Variants in PTPN11 observed in about 807,000 individuals in gnomAD.
The protein encoded by PTPN11 is protein tyrosine phosphatase non-receptor type 11, also known as tyrosine-protein phosphatase non-receptor type 11.
Under a neutral mutation model 78.8 loss-of-function variants are expected in PTPN11, and 6 were observed. The observed-to-expected ratio is 0.08, with a 90% confidence interval of 0.04 to 0.15. The LOEUF (loss-of-function observed/expected upper bound fraction) is 0.15, where lower values mean the gene tolerates loss of function less well. Ranked by LOEUF, PTPN11 falls within the 10% of genes least tolerant of loss-of-function variation. The pLI is 1.00. For missense variants in PTPN11, 386 were observed against 744.8 expected (o/e 0.52, Z 5.61); for synonymous variants, 221 against 263.5 (o/e 0.84, Z 1.56).
At chr12:112,493,909 G>A (rs1426894018) in intron 13 of PTPN11, among the ~76,000 whole-genome samples, 2 of 152,066 alleles carry the variant, frequency 1.3e-5, no homozygotes, top group Non-Finnish European at 2.9e-5. Context: ...ATTTCACTTA[G>A]CATAATGTCA....
intron 2 of PTPN11, among the ~76,000 whole-genome samples, chr12:112,449,123 G>A (rs2038038603): frequency 6.6e-6 from 1 of 151,204 alleles, no homozygotes; most frequent in South Asian, 2.1e-4. Flanking sequence ...CTGACCTCAG[G>A]TGATCCTCCC....
In PTPN11 at chr12:112,450,194, G is replaced by A. The variant is rs1038930685; in HGVS notation, c.138-124G>A. ...CCATCGTATTTCTTATAGGGAATAG[G>A]TAAATTCGTTCCTTGGGTTTCTTTC... On this transcript the variant is annotated intron_variant, in intron 2 of 15. Transcript: ENST00000351677. The A allele has an allele frequency of 4.8e-6, 4 of 837,898 alleles. No individual in the cohort carries two copies. The African/African-American group carries it at 6.7e-5, about 14-fold the overall frequency. The allele number at this position is 837,898 out of a possible 1,614,324, so 51.9% of individuals were successfully genotyped here.
chr12:112,453,302 T>G lies in PTPN11; in HGVS notation c.440T>G (p.Phe147Cys), dbSNP rs1179862540. ...VRESQSHPGD[F>C]VLSVRTGDDK... ...GAGAGCCAGAGCCACCCTGGAGATT[T>G]TGTTCTTTCTGTGCGCACTGGTGAT... Residue 147 changes from phenylalanine (F) to cysteine (C), a missense_variant, in exon 4 of 16, where the codon TTT becomes TGT. Physicochemically the swap from Phe to Cys is radical, Grantham distance 205 (BLOSUM62 -2). Transcript: ENST00000351677. 2 of 1,613,948 alleles carry G rather than the reference T, an allele frequency of 1.2e-6. No individual in the cohort carries two copies. Among genetic ancestry groups the G allele is most frequent in the African/African-American group, 2.7e-5 (2 of 74,910 alleles).
chr12:112,486,933 T>C (rs748018716), intron 11 of PTPN11: 2 of 1,344,232 alleles, frequency 1.5e-6, no homozygotes, highest in Non-Finnish European at 1.9e-6. Flanking sequence ...GCTCTGCAGT[T>C]TCTCCTTATT....
chr12:112,474,289 G>A (rs2038464192), intron 7 of PTPN11, among the ~76,000 whole-genome samples: 1 of 152,158 alleles, frequency 6.6e-6, no homozygotes, highest in African/African-American at 2.4e-5. Context: ...CTGGGAGGCG[G>A]AGGTTGCAAT....
rs1229909799 is a variant in PTPN11 at position 112,482,683 on chromosome 12, T to C, written c.1224+478T>C. 2.6e-5 allele frequency among the ~76,000 whole-genome samples: 4 copies of C among 152,102 alleles called. No individual in the cohort carries two copies. Among genetic ancestry groups the C allele is most frequent in the African/African-American group, 4.8e-5 (2 of 41,396 alleles). On this transcript the variant is annotated intron_variant, in intron 10 of 15. Transcript: ENST00000351677. This position sits in a 1 kb window ranked among gnomAD's most constrained non-coding sequence, Gnocchi z 4.4. ...TTCTTTTTTGTTCCTTCCTTTGGAA[T>C]GGAATATTATATAAAATGGCAGAAT...
chr12:112,432,664 A>C (rs933170504), intron 1 of PTPN11, among the ~76,000 whole-genome samples: 6 of 144,152 alleles, frequency 4.2e-5, no homozygotes, highest in Non-Finnish European at 9.1e-5. Context: ...GCAAAACTCC[A>C]TCTCAAAAAA....
chr12:112,483,038 A>G (rs563288739), intron 10 of PTPN11, among the ~76,000 whole-genome samples: 1 of 152,292 alleles, frequency 6.6e-6, no homozygotes, highest in African/African-American at 2.4e-5. Flanking sequence ...AACAAAACAG[A>G]TGGAATCCCT....
chr12:112,453,828 T>G (rs554027720), intron 4 of PTPN11, among the ~76,000 whole-genome samples: 2 of 152,068 alleles, frequency 1.3e-5, no homozygotes, highest in African/African-American at 2.4e-5. Context: ...GTTTGTATTT[T>G]TTGTGGAGAT....
chr12:112,442,501 G>T (rs2037909174), intron 1 of PTPN11, among the ~76,000 whole-genome samples: 1 of 151,648 alleles, frequency 6.6e-6, no homozygotes, highest in African/African-American at 2.4e-5. Flanking sequence ...CACCCAGGCT[G>T]GAGTGCAGTG....
chr12:112,492,736 C>A (rs2135920740), intron 13 of PTPN11, among the ~76,000 whole-genome samples: 1 of 152,136 alleles, frequency 6.6e-6, no homozygotes, highest in South Asian at 2.1e-4. Context: ...CCAGGATGGT[C>A]TTGATCTCCT....
intron 7 of PTPN11, among the ~76,000 whole-genome samples, chr12:112,474,065 G>C (rs1033516053): frequency 3.0e-4 from 46 of 151,448 alleles, no homozygotes; most frequent in African/African-American, 1.0e-3. Context: ...CAGTTTTTCT[G>C]TAGGCCGGCG....
At position 112,506,908 on chromosome 12, in the gene PTPN11, G is replaced by C; in HGVS notation, c.*1116G>C. The C allele has an allele frequency of 4.9e-6, 1 of 205,410 alleles. No individual in the cohort carries two copies. The highest frequency in any genetic ancestry group is 8.8e-5 in the South Asian group (1 of 11,372). 12.7% of individuals were successfully genotyped at this position (205,410 alleles called of 1,614,324 possible). A position where few individuals can be genotyped will look rare whatever the true frequency, so the allele number is the denominator to read the frequency against. ...ATGGCCAGGCCTTCTGAAAACTTAA[G>C]TCCAGAATTGTCACAGTGTCCCTTC... is the stretch of plus-strand genomic sequence containing the variant. On this transcript the variant is annotated 3_prime_UTR_variant, in exon 16 of 16. Coordinates refer to ENST00000351677, the MANE Select transcript of PTPN11 (RefSeq NM_002834.5).
intron 14 of PTPN11, 52 bp downstream of exon 14, chr12:112,502,308 G>A (rs763870804): frequency 1.3e-6 from 2 of 1,506,536 alleles, no homozygotes; most frequent in Admixed American, 1.7e-5. Context: ...GGTTTAAAAA[G>A]GTTTAAAAAA....
At chr12:112,462,181 G>A (rs2038257825) in intron 6 of PTPN11, among the ~76,000 whole-genome samples, 1 of 152,128 alleles carries the variant, frequency 6.6e-6, no homozygotes, top group Non-Finnish European at 1.5e-5. Flanking sequence ...AATATAGTGA[G>A]ACCCTGTCTC....
intron 1 of PTPN11, among the ~76,000 whole-genome samples, chr12:112,432,004 C>T (rs957825924): frequency 2.6e-5 from 4 of 151,990 alleles, no homozygotes; most frequent in Non-Finnish European, 5.9e-5. Flanking sequence ...ATATCAAGAG[C>T]TCCTACAAAT....
intron 3 of PTPN11, among the ~76,000 whole-genome samples, chr12:112,451,536 C>G (rs1156666434): frequency 6.6e-6 from 1 of 152,182 alleles, no homozygotes; most frequent in African/African-American, 2.4e-5. Flanking sequence ...ATGCCTACAT[C>G]AGGACTGTCT....
rs864622409 is a variant in PTPN11 at position 112,454,662 on chromosome 12, A to G, written c.624A>G (p.Thr208=). Residue 208 remains threonine, a synonymous_variant, in exon 5 of 16, where the codon ACA becomes ACG. Coordinates refer to ENST00000351677, the MANE Select transcript of PTPN11 (RefSeq NM_002834.5). ...ATCCTATGGTGGAAACATTGGGTAC[A>G]GTACTACAACTCAAGCAGGTGAGCA... ...KKNPMVETLG[T]VLQLKQPLNT... The G allele has an allele frequency of 1.1e-5, 17 of 1,611,768 alleles. No individual in the cohort carries two copies. The highest frequency in any genetic ancestry group is 5.3e-5 in the African/African-American group (4 of 75,014).
At position 112,489,031 on chromosome 12, in the gene PTPN11, C is replaced by T. The variant is rs1400574896; in HGVS notation, c.1455C>T (p.Asp485=). ...ATGATGTTTCCTTCGTAGGTGTTGA[C>T]TGCGATATTGACGTTCCCAAAACCA... ...LIDIIREKGV[D]CDIDVPKTIQ... Residue 485 remains aspartate, a synonymous_variant, in exon 13 of 16, where the codon GAC becomes GAT. Coordinates refer to ENST00000351677, the MANE Select transcript of PTPN11 (RefSeq NM_002834.5). The T allele has an allele frequency of 1.2e-6, 2 of 1,613,488 alleles. No individual in the cohort carries two copies. The highest frequency in any genetic ancestry group is 2.7e-5 in the African/African-American group (2 of 74,918).
Sources: gnomAD v4.1 joint callset for allele counts (sites outside exome capture counted in the v4.1 genomes callset) on GRCh38, gnomAD v4.1.1 for gene constraint, Gnocchi (gnomAD v3.1) non-coding constraint, MANE v1.5 for transcripts, NCBI Gene and HGNC (gene_info 2026-07-23, HGNC 2026-07-21) for gene names.